The following GRIA4 variants were observed in gnomAD, a reference collection of about 807,000 sequenced individuals.
The protein encoded by GRIA4 is glutamate receptor 4.
Under a neutral mutation model 104.0 loss-of-function variants are expected in GRIA4, and 34 were observed. The ratio of observed to expected loss-of-function variants is 0.33; its 90% CI spans 0.25 to 0.44. GRIA4 has a LOEUF of 0.44. Among genes scored for constraint, GRIA4 ranks in the 20% least tolerant of loss-of-function variants. GRIA4 has a pLI of 1.00. For missense variants in GRIA4, 750 were observed against 1,096.5 expected (o/e 0.68, Z 4.46); for synonymous variants, 386 against 381.9 (o/e 1.01, Z -0.13).
At position 105,903,902 on chromosome 11, in the gene GRIA4, G is replaced by C. The variant is rs779282919; in HGVS notation, c.974G>C (p.Arg325Thr). The change falls in exon 8 of 17, where the codon AGA becomes ACA. Residue 325 changes from arginine (R) to threonine (T), a missense_variant. Physicochemically the swap from Arg to Thr is moderately conservative, Grantham distance 71. This residue lies in a region of GRIA4 where 410 missense variants were observed against 502.7 expected (regional missense o/e 0.82). Coordinates refer to ENST00000282499, the MANE Select transcript of GRIA4 (RefSeq NM_000829.4). ...AGGCAGAAAATTGATATCTCAAGGA[G>C]AGGAAATGCTGGGGATTGTCTGGCA... is the stretch of plus-strand genomic sequence containing the variant. ...LRRQKIDISR[R>T]GNAGDCLANP... is the part of the protein sequence containing the mutation. 11 of 1,613,086 alleles carry C rather than the reference G, an allele frequency of 6.8e-6. No individual in the cohort carries two copies. The Admixed American group carries it at 1.7e-4, about 24-fold the overall frequency.
intron 4 of GRIA4, among the ~76,000 whole-genome samples, chr11:105,852,392 T>C (rs998413820): frequency 6.6e-6 from 1 of 152,272 alleles, no homozygotes; most frequent in Middle Eastern, 3.4e-3. Context: ...TAGAAAAGAT[T>C]ATCATGACTA....
intron 3 of GRIA4, among the ~76,000 whole-genome samples, chr11:105,642,923 A>T (rs1168806117): frequency 6.6e-6 from 1 of 152,198 alleles, no homozygotes; most frequent in Non-Finnish European, 1.5e-5. Flanking sequence ...ACAGTTCAAC[A>T]TGGCTGGGGA....
chr11:105,765,465 C>T (rs189640112), intron 4 of GRIA4, among the ~76,000 whole-genome samples: 1 of 152,280 alleles, frequency 6.6e-6, no homozygotes, highest in Admixed American at 6.5e-5. Context: ...ATATTGAAAT[C>T]ACTGATGAGA....
intron 3 of GRIA4, among the ~76,000 whole-genome samples, chr11:105,648,384 TAATA>T (rs1226500073): frequency 1.3e-5 from 2 of 151,416 alleles, no homozygotes; most frequent in African/African-American, 4.8e-5. Context: ...ATTTACACAA[TAATA>T]AATATTCTAT....
At chr11:105,898,463 G>T in intron 7 of GRIA4, 36 bp downstream of exon 7, 1 of 1,238,966 alleles carries the variant, frequency 8.1e-7, no homozygotes, top group Non-Finnish European at 1.2e-6. Flanking sequence ...ATTACTGATA[G>T]TTTCAAAATT....
intron 5 of GRIA4, among the ~76,000 whole-genome samples, chr11:105,881,959 T>A (rs1230790495): frequency 1.3e-5 from 2 of 152,218 alleles, no homozygotes; most frequent in African/African-American, 4.8e-5. Flanking sequence ...TTAAGTCTGT[T>A]GTTTGTTTGC....
At position 105,954,908 on chromosome 11, in the gene GRIA4, A is replaced by ATT. The variant is rs200260380; in HGVS notation, c.2295-17004_2295-17003dup. ...CTTTTTGATAGGTATATTGCTTTCA[A>ATT]TTTATATATATATATATATATAATG... On this transcript the variant is annotated intron_variant, in intron 14 of 16. Transcript: ENST00000282499. Among the ~76,000 whole-genome samples, 286 of 55,962 alleles carry ATT rather than the reference A, an allele frequency of 5.1e-3. 1 individual carries two copies. The highest frequency in any genetic ancestry group is 6.7e-3 in the African/African-American group (92 of 13,760). 36.7% of individuals were successfully genotyped at this position (55,962 alleles called of 152,430 possible).
intron 3 of GRIA4, among the ~76,000 whole-genome samples, chr11:105,713,627 G>T (rs1953992013): frequency 6.6e-6 from 1 of 152,074 alleles, no homozygotes; most frequent in South Asian, 2.1e-4. Context: ...GGGGATAAAA[G>T]CTTTCAATCA....
intron 3 of GRIA4, among the ~76,000 whole-genome samples, chr11:105,677,737 T>C (rs1267631403): frequency 6.6e-6 from 1 of 151,938 alleles, no homozygotes; most frequent in East Asian, 1.9e-4. Flanking sequence ...AATAGTTGAA[T>C]TGGGATCTAA....
At chr11:105,894,716 C>A (rs1946581800) in intron 6 of GRIA4, among the ~76,000 whole-genome samples, 1 of 151,932 alleles carries the variant, frequency 6.6e-6, no homozygotes. Flanking sequence ...AAACCATAGC[C>A]AAGGTGCATT....
intron 3 of GRIA4, among the ~76,000 whole-genome samples, chr11:105,704,170 T>G (rs551604120): frequency 6.6e-6 from 1 of 152,124 alleles, no homozygotes; most frequent in East Asian, 1.9e-4. Context: ...CCATGCTGCT[T>G]GTATTAGTCA....
chr11:105,952,861 T>C (rs1948489983), intron 14 of GRIA4, among the ~76,000 whole-genome samples: 1 of 152,224 alleles, frequency 6.6e-6, no homozygotes, highest in Non-Finnish European at 1.5e-5. Context: ...TATTTTAATA[T>C]TAAATTCCTG....
chr11:105,934,396 T>C (rs537739401), intron 14 of GRIA4, among the ~76,000 whole-genome samples: 15 of 152,286 alleles, frequency 9.8e-5, no homozygotes, highest in African/African-American at 3.6e-4. Flanking sequence ...AGCAAACCAC[T>C]TTTTTTCCAT....
intron 4 of GRIA4, among the ~76,000 whole-genome samples, chr11:105,795,282 A>G (rs618301): frequency 0.45 from 68,142 of 151,888 alleles, 15,794 homozygotes; most frequent in Middle Eastern, 0.52. Context: ...AATTAATTAA[A>G]CAAGAGATTA....
At chr11:105,654,341 A>G (rs1336971712) in intron 3 of GRIA4, among the ~76,000 whole-genome samples, 2 of 151,976 alleles carry the variant, frequency 1.3e-5, no homozygotes, top group Non-Finnish European at 2.9e-5. Flanking sequence ...AAGATTGCTA[A>G]GAGTGCCCCC....
intron 5 of GRIA4, among the ~76,000 whole-genome samples, chr11:105,864,763 G>A (rs371778137): frequency 6.6e-6 from 1 of 152,028 alleles, no homozygotes; most frequent in African/African-American, 2.4e-5. Flanking sequence ...CCAGCTACTC[G>A]GGAGGCTGAG....
At chr11:105,737,250 T>C (rs1939010727) in intron 3 of GRIA4, among the ~76,000 whole-genome samples, 1 of 152,126 alleles carries the variant, frequency 6.6e-6, no homozygotes, top group Admixed American at 6.6e-5. Context: ...GAAAATTGTT[T>C]TTGAAATTTG....
intron 6 of GRIA4, among the ~76,000 whole-genome samples, chr11:105,895,256 T>TGC (rs1555040960): frequency 6.8e-6 from 1 of 147,888 alleles, no homozygotes; most frequent in African/African-American, 2.5e-5. Flanking sequence ...CTCATGCGTG[T>TGC]GTGTGTGTGT....
intron 4 of GRIA4, among the ~76,000 whole-genome samples, chr11:105,777,122 T>C (rs1941485689): frequency 6.6e-6 from 1 of 152,126 alleles, no homozygotes. Context: ...CAAACGTCAT[T>C]AACAGTGCTT....
Sources: gnomAD v4.1 joint callset for allele counts (sites outside exome capture counted in the v4.1 genomes callset) on GRCh38, gnomAD v4.1.1 for gene constraint, gnomAD v4.1.1 regional missense constraint, MANE v1.5 for transcripts, NCBI Gene and HGNC (gene_info 2026-07-23, HGNC 2026-07-21) for gene names.